Variants in PLD1 observed in about 807,000 individuals in gnomAD.
PLD1 encodes the protein phospholipase D1.
Under a neutral mutation model 137.1 loss-of-function variants are expected in PLD1, and 112 were observed. The ratio of observed to expected loss-of-function variants is 0.82; its 90% CI spans 0.70 to 0.96. The LOEUF is 0.96. PLD1 is among the 40% of genes least tolerant of loss of function. PLD1 has a pLI of 0.00. For synonymous variants in PLD1, 431 were observed against 454.7 expected (o/e 0.95, Z 0.66); for missense variants, 1,321 against 1,342.0 (o/e 0.98, Z 0.24).
chr3:171,667,472 G>A (rs1033614815), intron 19 of PLD1, among the ~76,000 whole-genome samples: 6 of 152,204 alleles, frequency 3.9e-5, no homozygotes, highest in Admixed American at 3.3e-4. Context: ...AGGACAGAAA[G>A]AAAAGATAAT....
chr3:171,603,423 T>G (rs1731970730), intron 26 of PLD1, 121 bp from the exon 27 acceptor site: 1 of 681,522 alleles, frequency 1.5e-6, no homozygotes, highest in African/African-American at 1.8e-5. Context: ...ATTAGTCTTA[T>G]GTTACAGCAC....
chr3:171,647,519 G>A (rs1345816595), intron 21 of PLD1, among the ~76,000 whole-genome samples: 4 of 151,420 alleles, frequency 2.6e-5, no homozygotes, highest in African/African-American at 9.7e-5. Flanking sequence ...GTGCGATCTC[G>A]GCTCACTGCA....
intron 8 of PLD1, among the ~76,000 whole-genome samples, chr3:171,716,661 G>A (rs1717707697): frequency 6.6e-6 from 1 of 152,152 alleles, no homozygotes; most frequent in South Asian, 2.1e-4. Flanking sequence ...CAGAAGCACA[G>A]CTTGCAAATA....
chr3:171,728,186 C>T lies in PLD1; in HGVS notation c.607-2110G>A, dbSNP rs563763797. Among the ~76,000 whole-genome samples, 17 of 152,044 alleles carry T rather than the reference C, an allele frequency of 1.1e-4. No homozygotes were observed. In the South Asian group the frequency reaches 2.5e-3, roughly 22 times the overall value. Reference sequence around the variant, plus strand: ...TTAGCCAGGTGTGGTGGTGCATGCCCGTAATCCCAGCTACTCAGGAGGCAG... The same window carrying T: ...TTAGCCAGGTGTGGTGGTGCATGCCTGTAATCCCAGCTACTCAGGAGGCAG... On this transcript the variant is annotated intron_variant, in intron 6 of 26. Transcript: ENST00000351298.
chr3:171,601,823 CT>C lies in PLD1; in HGVS notation c.*1254del, dbSNP rs906524520. 6.6e-6 allele frequency: 1 copy of C among 152,122 alleles called. No homozygotes were observed. Among genetic ancestry groups the C allele is most frequent in the African/African-American group, 2.4e-5 (1 of 41,408 alleles). 9.4% of individuals were successfully genotyped at this position (152,122 alleles called of 1,614,324 possible). A position where few individuals can be genotyped will look rare whatever the true frequency, so the allele number is the denominator to read the frequency against. On this transcript the variant is annotated 3_prime_UTR_variant, in exon 27 of 27. Coordinates refer to ENST00000351298, the MANE Select transcript of PLD1 (RefSeq NM_002662.5). ...TCTTTAGACTGTCAGAGTTGTTCAG[CT>C]TAGTAAAATTTAGTTTATCAAAGGG...
rs1443876931 is a variant in PLD1, at chr3:171,605,352, A to G, written c.2947T>C (p.Phe983Leu). ...GCTGTTGAAACCCACACCTCCTTGA[A>G]GAATTTGTCACTCACTGGATCCTGA... ...DIQDPVSDKFFKEVWVSTAAR... is the reference protein window; with the variant it reads ...DIQDPVSDKFLKEVWVSTAAR... Residue 983 changes from phenylalanine (F) to leucine (L), a missense_variant, in exon 26 of 27, where the codon TTC becomes CTC. By Grantham distance (22) the Phe-to-Leu change is conservative. Transcript: ENST00000351298. The G allele has an allele frequency of 2.0e-5, 32 of 1,613,878 alleles. No individual in the cohort carries two copies. The highest frequency in any genetic ancestry group is 2.5e-5 in the Non-Finnish European group (29 of 1,179,866).
chr3:171,726,149 G>A, intron 6 of PLD1, 73 bp from the exon 7 acceptor site: 1 of 955,308 alleles, frequency 1.0e-6, no homozygotes, highest in Non-Finnish European at 1.7e-6. Context: ...ACATGTATTA[G>A]GTATAGCTGT....
At chr3:171,690,218 T>C (rs1290340899) in intron 13 of PLD1, among the ~76,000 whole-genome samples, 1 of 152,200 alleles carries the variant, frequency 6.6e-6, no homozygotes, top group African/African-American at 2.4e-5. Flanking sequence ...ATGTCTCTAC[T>C]TTCATTTCTG....
intron 1 of PLD1, among the ~76,000 whole-genome samples, chr3:171,805,888 G>T (rs1487222055): frequency 3.3e-5 from 5 of 152,140 alleles, no homozygotes; most frequent in Non-Finnish European, 7.4e-5. Context: ...TATAAAATGG[G>T]CATAGGCCAG....
At chr3:171,697,244 T>TTGG (rs201624533) in intron 12 of PLD1, among the ~76,000 whole-genome samples, 2 of 80,534 alleles carry the variant, frequency 2.5e-5, no homozygotes, top group Admixed American at 1.4e-4. Context: ...CACCTTTTTT[T>TTGG]TTTTTTTTTT....
intron 23 of PLD1, among the ~76,000 whole-genome samples, chr3:171,621,227 C>G (rs1167178262): frequency 6.6e-6 from 1 of 152,124 alleles, no homozygotes; most frequent in Non-Finnish European, 1.5e-5. Flanking sequence ...CACATGGGGG[C>G]CATTCACATG....
intron 1 of PLD1, among the ~76,000 whole-genome samples, chr3:171,766,809 T>A (rs913412647): frequency 3.3e-5 from 5 of 152,222 alleles, no homozygotes; most frequent in African/African-American, 1.2e-4. Context: ...TTTTTATTTT[T>A]TCGTTTCTTT....
At chr3:171,761,455 C>T (rs543641399) in intron 1 of PLD1, among the ~76,000 whole-genome samples, 1 of 152,276 alleles carries the variant, frequency 6.6e-6, no homozygotes, top group Admixed American at 6.5e-5. Context: ...AATTGCACAC[C>T]TGACTCTTCC....
intron 18 of PLD1, among the ~76,000 whole-genome samples, chr3:171,675,122 G>A (rs567267338): frequency 6.6e-6 from 1 of 152,036 alleles, no homozygotes; most frequent in South Asian, 2.1e-4. Flanking sequence ...TCACAGTCCT[G>A]TTTTTACCTT....
At chr3:171,799,513 T>A (rs1476303337) in intron 1 of PLD1, among the ~76,000 whole-genome samples, 1 of 151,846 alleles carries the variant, frequency 6.6e-6, no homozygotes, top group Non-Finnish European at 1.5e-5. Flanking sequence ...CAAAAGAAAA[T>A]CTATAACATT....
chr3:171,707,292 A>C, intron 11 of PLD1, among the ~76,000 whole-genome samples: 1 of 152,222 alleles, frequency 6.6e-6, no homozygotes, highest in East Asian at 1.9e-4. Context: ...CTGCAGTTGT[A>C]CCCCTGAATT....
intron 21 of PLD1, among the ~76,000 whole-genome samples, chr3:171,655,016 C>G (rs1283216863): frequency 2.6e-5 from 4 of 152,254 alleles, no homozygotes; most frequent in Middle Eastern, 3.4e-3. Context: ...CAGAAAAATA[C>G]TTAGACCAGT....
chr3:171,665,430 T>A (rs1578220786), intron 19 of PLD1, among the ~76,000 whole-genome samples: 1 of 152,342 alleles, frequency 6.6e-6, no homozygotes, highest in East Asian at 1.9e-4. Flanking sequence ...CCAGGGGCGG[T>A]GGCTCACACC....
Position 171,801,414 on chromosome 3 carries a change from C to T in PLD1, c.-32+8985G>A, listed in dbSNP as rs536432829. On this transcript the variant is annotated intron_variant, in intron 1 of 26. Transcript: ENST00000351298. Reference sequence around the variant, plus strand: ...GAACATATCCAACATGCGTTTCTGGCATGCCTTTCTTTTTGTTTCTTGTTT... The same window carrying T: ...GAACATATCCAACATGCGTTTCTGGTATGCCTTTCTTTTTGTTTCTTGTTT... Among the ~76,000 whole-genome samples the T allele has an allele frequency of 1.1e-4, 17 of 152,316 alleles. 1 individual carries two copies. Among genetic ancestry groups the T allele is most frequent in the African/African-American group, 4.1e-4 (17 of 41,580 alleles).
Sources: gnomAD v4.1 joint callset for allele counts (sites outside exome capture counted in the v4.1 genomes callset) on GRCh38, gnomAD v4.1.1 for gene constraint, MANE v1.5 for transcripts, NCBI Gene and HGNC (gene_info 2026-07-23, HGNC 2026-07-21) for gene names.